The following GLB1L2 variants were observed in gnomAD, a reference collection of about 807,000 sequenced individuals.
GLB1L2 encodes the protein galactosidase beta 1 like 2.
A neutral mutation model predicts 84.1 loss-of-function variants in GLB1L2; 68 were observed. That is an observed-to-expected ratio of 0.81 (90% confidence interval 0.67 to 0.99). The LOEUF (loss-of-function observed/expected upper bound fraction) is 0.99, where lower values mean the gene tolerates loss of function less well. Among genes scored for constraint, GLB1L2 ranks in the 50% least tolerant of loss-of-function variants. The pLI is 0.00. For missense variants in GLB1L2, 762 were observed against 805.6 expected (o/e 0.95, Z 0.66); for synonymous variants, 290 against 318.0 (o/e 0.91, Z 0.94).
Position 134,375,439 on chromosome 11 carries a change from C to T in GLB1L2, c.*381C>T. ...CTGCTGGACTCAGGCGTGCTCTTTG[C>T]TGGTTCCTGGGAGGCTTGGCCACAT... On this transcript the variant is annotated 3_prime_UTR_variant, in exon 19 of 19. Coordinates refer to ENST00000535456, the MANE Select transcript of GLB1L2 (RefSeq NM_001370461.1). 5.2e-6 allele frequency: 1 copy of T among 190,908 alleles called. No individual in the cohort carries two copies. Among genetic ancestry groups the T allele is most frequent in the Non-Finnish European group, 1.1e-5 (1 of 94,374 alleles). The allele number at this position is 190,908 out of a possible 1,614,324, so 11.8% of individuals were successfully genotyped here.
chr11:134,333,463 C>T (rs7950541), intron 1 of GLB1L2, among the ~76,000 whole-genome samples: 32,318 of 152,168 alleles, frequency 0.21, 3,701 homozygotes, highest in African/African-American at 0.29. Flanking sequence ...GGTAGCAAGG[C>T]GTGCAAGCTG....
At chr11:134,343,595 G>A (rs1943502502) in intron 2 of GLB1L2, among the ~76,000 whole-genome samples, 2 of 152,226 alleles carry the variant, frequency 1.3e-5, no homozygotes, top group South Asian at 4.1e-4. Context: ...TACAAATCAA[G>A]GAGATGGCTT....
At chr11:134,349,688 T>A (rs1943599073) in intron 5 of GLB1L2, among the ~76,000 whole-genome samples, 1 of 152,248 alleles carries the variant, frequency 6.6e-6, no homozygotes, top group Non-Finnish European at 1.5e-5. Context: ...TCCCTGGTGA[T>A]GTTGAGCATC....
intron 5 of GLB1L2, among the ~76,000 whole-genome samples, chr11:134,353,940 T>C (rs1357594072): frequency 6.6e-6 from 1 of 152,192 alleles, no homozygotes; most frequent in East Asian, 1.9e-4. Flanking sequence ...CTGAAGTGAG[T>C]GTCTTGTAGA....
intron 1 of GLB1L2, among the ~76,000 whole-genome samples, chr11:134,335,338 C>T (rs1291096551): frequency 6.6e-6 from 1 of 151,916 alleles, no homozygotes; most frequent in African/African-American, 2.4e-5. Context: ...ATGGGCCTTG[C>T]CTATTCTAGG....
intron 2 of GLB1L2, among the ~76,000 whole-genome samples, 161 bp downstream of exon 2, chr11:134,343,112 C>A (rs1034338959): frequency 6.6e-6 from 1 of 152,140 alleles, no homozygotes; most frequent in Non-Finnish European, 1.5e-5. Flanking sequence ...GACTCATGGG[C>A]GCCAAGGGAC....
At chr11:134,349,870 A>G (rs903743321) in intron 5 of GLB1L2, among the ~76,000 whole-genome samples, 2 of 152,198 alleles carry the variant, frequency 1.3e-5, no homozygotes, top group African/African-American at 4.8e-5. Context: ...CTTCGCTTCA[A>G]GGCAGCAGGT....
chr11:134,365,956 T>C (rs1943863104), intron 8 of GLB1L2, among the ~76,000 whole-genome samples: 1 of 152,158 alleles, frequency 6.6e-6, no homozygotes, highest in Non-Finnish European at 1.5e-5. Flanking sequence ...CTAAGGGTGT[T>C]ATGTGCACTC....
At position 134,344,402 on chromosome 11, in the gene GLB1L2, C is replaced by A. The variant is rs781773169; in HGVS notation, c.300C>A (p.Asn100Lys). 38 of 1,613,626 alleles carry A rather than the reference C, an allele frequency of 2.4e-5. 1 individual carries two copies. Among genetic ancestry groups the A allele is most frequent in the Middle Eastern group, 3.6e-4 (2 of 5,606 alleles). ...LNTLTTYVPW[N>K]LHEPERGKFD... ...TCTGTTGCAGCTATGTTCCGTGGAA[C>A]CTGCATGAGCCAGAAAGAGGCAAAT... is the stretch of plus-strand genomic sequence containing the variant. Residue 100 changes from asparagine (N) to lysine (K), a missense_variant, in exon 3 of 19, where the codon AAC becomes AAA. Transcript: ENST00000535456.
chr11:134,372,859 T>A (rs1943975599), intron 15 of GLB1L2, among the ~76,000 whole-genome samples: 1 of 152,084 alleles, frequency 6.6e-6, no homozygotes, highest in Non-Finnish European at 1.5e-5. Context: ...AGGCCCACAC[T>A]CCTTTACCCT....
chr11:134,332,073 G>T lies in GLB1L2; in HGVS notation c.12G>T (p.Trp4Cys), dbSNP rs1943302461. The T allele has an allele frequency of 6.3e-7, 1 of 1,581,548 alleles. No homozygotes were observed. Among genetic ancestry groups the T allele is most frequent in the South Asian group, 1.2e-5 (1 of 86,796 alleles). ...TTAGAGAACACGCGATGACCACGTGGAGCCTCCGGCGGAGGCCGGCCCGCA... is the reference window on the plus strand; with the variant it reads ...TTAGAGAACACGCGATGACCACGTGTAGCCTCCGGCGGAGGCCGGCCCGCA... The part of the protein sequence containing the change: MTT[W>C]SLRRRPARTL... The change falls in exon 1 of 19, where the codon TGG becomes TGT. Residue 4 changes from tryptophan (W) to cysteine (C), a missense_variant. Around this residue, in one of 3 missense-constraint regions of GLB1L2, gnomAD observed 100 missense variants for 88.8 expected, o/e 1.13. Coordinates refer to ENST00000535456, the MANE Select transcript of GLB1L2 (RefSeq NM_001370461.1).
In GLB1L2 at chr11:134,367,413, T is replaced by A. The variant is rs1454958237; in HGVS notation, c.889+72T>A. ...GTGAGGATGAGTTTCAGTCACCTGC[T>A]AACTAATGTAAGCCATAGGGGGTGC... On this transcript the variant is annotated intron_variant, in intron 9 of 18. Coordinates refer to ENST00000535456, the MANE Select transcript of GLB1L2 (RefSeq NM_001370461.1). 20 of 1,292,882 alleles carry A rather than the reference T, an allele frequency of 1.5e-5. No homozygotes were observed. In the Admixed American group the frequency reaches 3.7e-4, roughly 24 times the overall value. The allele number at this position is 1,292,882 out of a possible 1,614,324, so 80.1% of individuals were successfully genotyped here. A position where few individuals can be genotyped will look rare whatever the true frequency, so the allele number is the denominator to read the frequency against.
intron 7 of GLB1L2, chr11:134,359,555 TAC>T (rs1376936702): frequency 6.2e-6 from 1 of 160,594 alleles, no homozygotes; most frequent in Non-Finnish European, 1.4e-5. Context: ...CTGGAATCCC[TAC>T]AGGCCTAAGC....
In GLB1L2 at chr11:134,338,009, G is replaced by T. The variant is rs1219251542; in HGVS notation, c.87-4745G>T. 6.6e-6 allele frequency among the ~76,000 whole-genome samples: 1 copy of T among 152,176 alleles called. No individual in the cohort carries two copies. The highest frequency in any genetic ancestry group is 1.5e-5 in the Non-Finnish European group (1 of 68,028). On this transcript the variant is annotated intron_variant, in intron 1 of 18. Transcript: ENST00000535456. The surrounding 1 kb of genome is among the most constrained non-coding windows in gnomAD (Gnocchi z 6.2). ...GGCAAGGACTTATGTTCTGGGAATC[G>T]AAGGACAATGATTGCAGTTCCTGAC...
chr11:134,334,303 G>A lies in GLB1L2; in HGVS notation c.86+2156G>A, dbSNP rs1159550083. ...AAGGCAGGTATTTGGACAGTGGCTG[G>A]CATGGGCTGGGGGATGTTTGGCTAT... On this transcript the variant is annotated intron_variant, in intron 1 of 18. Coordinates refer to ENST00000535456, the MANE Select transcript of GLB1L2 (RefSeq NM_001370461.1). The surrounding 1 kb of genome is among the most constrained non-coding windows in gnomAD (Gnocchi z 4.1). 6.6e-6 allele frequency among the ~76,000 whole-genome samples: 1 copy of A among 152,146 alleles called. No homozygotes were observed. The highest frequency in any genetic ancestry group is 1.5e-5 in the Non-Finnish European group (1 of 68,030).
intron 6 of GLB1L2, among the ~76,000 whole-genome samples, chr11:134,358,473 C>T (rs147238619): frequency 7.1e-4 from 108 of 152,404 alleles, no homozygotes; most frequent in African/African-American, 2.4e-3. Context: ...CCCTCAAGCA[C>T]AGCGTTTCTT....
intron 4 of GLB1L2, chr11:134,346,287 C>T (rs1943551379): frequency 6.5e-6 from 1 of 152,876 alleles, no homozygotes. Context: ...GGCAGCCTCT[C>T]CCATCCCTGT....
rs1349017242 is a variant in GLB1L2, at chr11:134,339,733, C to G, written c.87-3021C>G. Among the ~76,000 whole-genome samples the G allele has an allele frequency of 6.6e-6, 1 of 151,900 alleles. No homozygotes were observed. Among genetic ancestry groups the G allele is most frequent in the Non-Finnish European group, 1.5e-5 (1 of 68,010 alleles). On this transcript the variant is annotated intron_variant, in intron 1 of 18. Transcript: ENST00000535456. The surrounding 1 kb of genome is among the most constrained non-coding windows in gnomAD (Gnocchi z 5.7). The stretch of plus-strand genomic sequence containing the variant: ...AGGAGAAGACGCAGATTGGGCTTCT[C>G]GAGCTGTAACCTTGGGATTGGTTAG...
At chr11:134,344,969 C>G (rs34531442) in intron 3 of GLB1L2, 65 bp from the exon 4 acceptor site, 1 of 1,436,770 alleles carries the variant, frequency 7.0e-7, no homozygotes, top group Non-Finnish European at 9.4e-7. Context: ...CTGTGATGCG[C>G]GTGGCCCCCA....
Sources: allele counts gnomAD v4.1 joint callset (sites outside exome capture counted in the v4.1 genomes callset), GRCh38; gene constraint gnomAD v4.1.1; regional missense constraint gnomAD v4.1.1; non-coding constraint Gnocchi (gnomAD v3.1); transcripts MANE v1.5; gene names NCBI Gene and HGNC (gene_info 2026-07-23, HGNC 2026-07-21).